The following PTPN14 variants were observed in gnomAD, a reference collection of about 807,000 sequenced individuals.
PTPN14 encodes the protein protein tyrosine phosphatase non-receptor type 14.
PTPN14 carries 53 observed loss-of-function variants against 126.8 expected under a neutral mutation model. The observed-to-expected ratio is 0.42, with a 90% CI of 0.34 to 0.53. PTPN14 has a LOEUF of 0.53. Among genes scored for constraint, PTPN14 ranks in the 20% least tolerant of loss-of-function variants. PTPN14 has a pLI of 0.08. For missense variants in PTPN14, 1,257 were observed against 1,552.9 expected (o/e 0.81, Z 3.20); for synonymous variants, 630 against 599.3 (o/e 1.05, Z -0.75).
At chr1:214,498,123 G>T (rs1454199040) in intron 1 of PTPN14, among the ~76,000 whole-genome samples, 2 of 152,100 alleles carry the variant, frequency 1.3e-5, no homozygotes, top group Non-Finnish European at 2.9e-5. Flanking sequence ...AGTACTGGGG[G>T]AAGTATTTCT....
intron 16 of PTPN14, among the ~76,000 whole-genome samples, chr1:214,372,052 A>G (rs1355839322): frequency 2.0e-5 from 3 of 152,226 alleles, no homozygotes; most frequent in African/African-American, 7.2e-5. Context: ...AGAATGTGAC[A>G]AGAGAAGAAA....
intron 12 of PTPN14, 130 bp downstream of exon 12, chr1:214,386,714 C>T: frequency 1.0e-6 from 1 of 984,400 alleles, no homozygotes; most frequent in Non-Finnish European, 1.5e-6. Flanking sequence ...AAGCTGTTAG[C>T]TACTGTCATT....
intron 18 of PTPN14, among the ~76,000 whole-genome samples, chr1:214,359,254 C>T (rs1198246082): frequency 6.7e-6 from 1 of 150,056 alleles, no homozygotes; most frequent in Non-Finnish European, 1.5e-5. Context: ...CACTCTGTCT[C>T]CCAGGCTGGA....
chr1:214,519,246 G>A (rs1655183796), intron 1 of PTPN14, among the ~76,000 whole-genome samples: 1 of 152,112 alleles, frequency 6.6e-6, no homozygotes, highest in Non-Finnish European at 1.5e-5. Flanking sequence ...TCCAGCCTGG[G>A]TGACAGAGCA....
intron 7 of PTPN14, among the ~76,000 whole-genome samples, chr1:214,400,146 A>G (rs1250251084): frequency 6.6e-6 from 1 of 152,170 alleles, no homozygotes; most frequent in East Asian, 1.9e-4. Context: ...CTTTTTGTCA[A>G]TAAGAACCTG....
rs1377858002 is a variant in PTPN14 at position 214,353,504 on chromosome 1, A to G, written c.*4418T>C. 2.6e-5 allele frequency: 4 copies of G among 152,350 alleles called. No homozygotes were observed. The highest frequency in any genetic ancestry group is 4.4e-5 in the Non-Finnish European group (3 of 68,038). 9.4% of individuals were successfully genotyped at this position (152,350 alleles called of 1,614,324 possible). A position where few individuals can be genotyped will look rare whatever the true frequency, so the allele number is the denominator to read the frequency against. On this transcript the variant is annotated 3_prime_UTR_variant, in exon 19 of 19. Coordinates refer to ENST00000366956, the MANE Select transcript of PTPN14 (RefSeq NM_005401.5). ...CAACTGTACTCATCTTCACCATCGA[A>G]TACACCATTAGATGGGGAAAGGGAG...
At chr1:214,382,463 A>C (rs1658496714) in intron 13 of PTPN14, among the ~76,000 whole-genome samples, 1 of 152,198 alleles carries the variant, frequency 6.6e-6, no homozygotes, top group African/African-American at 2.4e-5. Context: ...CTAGGACTAC[A>C]GGCTCCTGCC....
chr1:214,519,210 A>G (rs557351625), intron 1 of PTPN14, among the ~76,000 whole-genome samples: 71 of 152,290 alleles, frequency 4.7e-4, no homozygotes, highest in African/African-American at 1.3e-3. Context: ...TGGAGGTTGC[A>G]GTGAGCTGAG....
intron 3 of PTPN14, among the ~76,000 whole-genome samples, chr1:214,415,583 T>C (rs1258251802): frequency 1.3e-5 from 2 of 152,224 alleles, no homozygotes; most frequent in Non-Finnish European, 2.9e-5. Context: ...TAACTTCACT[T>C]TGGCATCTCA....
intron 7 of PTPN14, among the ~76,000 whole-genome samples, chr1:214,400,129 T>C (rs1658981608): frequency 6.6e-6 from 1 of 152,222 alleles, no homozygotes; most frequent in Non-Finnish European, 1.5e-5. Context: ...GGATATATCA[T>C]GACATGCTTT....
chr1:214,366,343 A>C (rs549117527), intron 17 of PTPN14, among the ~76,000 whole-genome samples: 2 of 152,368 alleles, frequency 1.3e-5, no homozygotes, highest in South Asian at 4.1e-4. Context: ...GACCAAAGGC[A>C]ATATTTACAT....
intron 5 of PTPN14, among the ~76,000 whole-genome samples, chr1:214,406,829 G>T (rs1659182936): frequency 6.6e-6 from 1 of 152,086 alleles, no homozygotes; most frequent in Non-Finnish European, 1.5e-5. Context: ...TATCATGCTG[G>T]TAATCACCTT....
chr1:214,420,406 A>G lies in PTPN14; in HGVS notation c.345-5680T>C, dbSNP rs191443374. On this transcript the variant is annotated intron_variant, in intron 3 of 18. Transcript: ENST00000366956. The stretch of plus-strand genomic sequence containing the variant: ...TTTGCCAGAGACACCCAACTTCTTA[A>G]TAAGATTCCTTCAGTTTCAATGAGC... Among the ~76,000 whole-genome samples, 10 of 152,366 alleles carry G rather than the reference A, an allele frequency of 6.6e-5. No individual in the cohort carries two copies. In the East Asian group the frequency reaches 1.9e-3, roughly 29 times the overall value.
chr1:214,400,367 G>A (rs774757583), intron 7 of PTPN14, among the ~76,000 whole-genome samples: 1 of 152,162 alleles, frequency 6.6e-6, no homozygotes, highest in Non-Finnish European at 1.5e-5. Flanking sequence ...AAGAAAAAGA[G>A]GCAGTCCAGC....
At position 214,351,680 on chromosome 1, in the gene PTPN14, A is replaced by G. The variant is rs1243055322; in HGVS notation, c.*6242T>C. Reference sequence around the variant, plus strand: ...AATCCAGGCAAATATGATAAACCACACATCATAATCCATGACATTCATCAA... The same window carrying G: ...AATCCAGGCAAATATGATAAACCACGCATCATAATCCATGACATTCATCAA... On this transcript the variant is annotated 3_prime_UTR_variant, in exon 19 of 19. Coordinates refer to ENST00000366956, the MANE Select transcript of PTPN14 (RefSeq NM_005401.5). 6.6e-6 allele frequency: 1 copy of G among 152,260 alleles called. No homozygotes were observed. The highest frequency in any genetic ancestry group is 6.5e-5 in the Admixed American group (1 of 15,288). The allele number at this position is 152,260 out of a possible 1,614,324, so 9.4% of individuals were successfully genotyped here.
chr1:214,367,954 C>T (rs886739876), intron 17 of PTPN14, among the ~76,000 whole-genome samples: 1 of 152,172 alleles, frequency 6.6e-6, no homozygotes, highest in Non-Finnish European at 1.5e-5. Flanking sequence ...AAATACTGCA[C>T]ATAATCTGGT....
chr1:214,531,538 ACAC>A (rs1655548132), intron 1 of PTPN14: 1 of 152,092 alleles, frequency 6.6e-6, no homozygotes, highest in Non-Finnish European at 1.5e-5. Context: ...ACACACACAC[ACAC>A]ATTCTCTGCC....
chr1:214,438,630 T>C (rs1659971523), intron 3 of PTPN14, among the ~76,000 whole-genome samples: 1 of 152,188 alleles, frequency 6.6e-6, no homozygotes, highest in Admixed American at 6.5e-5. Context: ...TACAGTGATT[T>C]GGGTTTTACT....
chr1:214,378,890 T>C (rs1480626189), intron 13 of PTPN14, among the ~76,000 whole-genome samples: 1 of 151,786 alleles, frequency 6.6e-6, no homozygotes, highest in Non-Finnish European at 1.5e-5. Context: ...GCAGACCACT[T>C]AGGGAAAGGT....
Sources: allele counts gnomAD v4.1 joint callset (sites outside exome capture counted in the v4.1 genomes callset), GRCh38; gene constraint gnomAD v4.1.1; transcripts MANE v1.5; gene names NCBI Gene and HGNC (gene_info 2026-07-23, HGNC 2026-07-21).